WWOX: variants seen among roughly 807,000 people sequenced by gnomAD.
WWOX encodes the protein WW domain containing oxidoreductase, also known as WW domain-containing oxidoreductase.
Under a neutral mutation model 46.2 loss-of-function variants are expected in WWOX, and 69 were observed. The observed-to-expected ratio is 1.49, with a 90% CI of 1.23 to 1.82. The LOEUF (loss-of-function observed/expected upper bound fraction) is 1.82. Ranked by LOEUF, WWOX falls within the 40% of genes most tolerant of loss-of-function variation. The probability of loss-of-function intolerance (pLI) is 0.00; values close to 1 mark genes in which losing one functional copy is unlikely to be tolerated. For missense variants in WWOX, 919 were observed against 542.6 expected (o/e 1.69, Z -6.89); for synonymous variants, 359 against 202.6 (o/e 1.77, Z -6.56).
intron 8 of WWOX, among the ~76,000 whole-genome samples, chr16:78,693,802 T>C (rs940206447): frequency 6.6e-6 from 1 of 152,184 alleles, no homozygotes; most frequent in African/African-American, 2.4e-5. Flanking sequence ...TAGGGGAAGA[T>C]GTGATTTCAT....
intron 5 of WWOX, among the ~76,000 whole-genome samples, chr16:78,369,006 T>C (rs761780854): frequency 1.3e-5 from 2 of 152,118 alleles, no homozygotes; most frequent in Non-Finnish European, 2.9e-5. Context: ...CCCCTTCTTA[T>C]CTAATCCCCT....
At chr16:78,702,920 AT>A (rs1486627583) in intron 8 of WWOX, among the ~76,000 whole-genome samples, 3 of 152,172 alleles carry the variant, frequency 2.0e-5, no homozygotes, top group African/African-American at 7.2e-5. Context: ...CTGGAAACAG[AT>A]GCCTTGGGAG....
intron 6 of WWOX, among the ~76,000 whole-genome samples, chr16:78,394,180 A>G (rs1306055754): frequency 6.6e-6 from 1 of 152,188 alleles, no homozygotes; most frequent in Non-Finnish European, 1.5e-5. Context: ...TAGCCAACAT[A>G]TCTGCATTAC....
intron 5 of WWOX, among the ~76,000 whole-genome samples, chr16:78,190,472 A>G (rs2035850796): frequency 6.6e-6 from 1 of 151,998 alleles, no homozygotes; most frequent in African/African-American, 2.4e-5. Context: ...ATACCTAGTG[A>G]CTCTCTGGTC....
chr16:78,278,768 CAT>C (rs1162935269), intron 5 of WWOX: 1 of 1,014,648 alleles, frequency 9.9e-7, no homozygotes, highest in African/African-American at 1.6e-5. Context: ...ATCTGACAGA[CAT>C]GTACGATTTG....
At chr16:79,075,363 C>T (rs922265074) in intron 8 of WWOX, among the ~76,000 whole-genome samples, 7 of 152,186 alleles carry the variant, frequency 4.6e-5, no homozygotes, top group Non-Finnish European at 8.8e-5. Flanking sequence ...TATGCTTCCA[C>T]CACCTTAACC....
rs1388833032 is a variant in WWOX, at chr16:78,563,374, T to C, written c.1056+130622T>C. 3.9e-5 allele frequency among the ~76,000 whole-genome samples: 6 copies of C among 151,950 alleles called. No individual in the cohort carries two copies. The East Asian group carries it at 1.2e-3, about 29-fold the overall frequency. ...GAGCAGCTGCAGATTCAGGGCAGTA[T>C]GGGGTGGTTCAGGAACAGAACTGAC... On this transcript the variant is annotated intron_variant, in intron 8 of 8. Transcript: ENST00000566780.
intron 8 of WWOX, among the ~76,000 whole-genome samples, chr16:79,054,308 AT>A (rs2048222784): frequency 6.6e-6 from 1 of 152,174 alleles, no homozygotes; most frequent in Non-Finnish European, 1.5e-5. Flanking sequence ...CGCAAAACAT[AT>A]CCCCCAGCTA....
chr16:78,634,081 G>C (rs2046506483), intron 8 of WWOX, among the ~76,000 whole-genome samples: 1 of 152,130 alleles, frequency 6.6e-6, no homozygotes, highest in Non-Finnish European at 1.5e-5. Flanking sequence ...TGAACCCAGA[G>C]AAGGTGCAGG....
At chr16:78,422,320 A>T (rs190226369) in intron 6 of WWOX, among the ~76,000 whole-genome samples, 4 of 152,024 alleles carry the variant, frequency 2.6e-5, no homozygotes, top group South Asian at 2.1e-4. Context: ...TTGTTTTTTA[A>T]AAACTTGTAC....
intron 8 of WWOX, among the ~76,000 whole-genome samples, chr16:78,968,403 G>C (rs909128993): frequency 6.6e-6 from 1 of 152,234 alleles, no homozygotes; most frequent in Non-Finnish European, 1.5e-5. Flanking sequence ...CTAATTGCCA[G>C]AGACCAGGTC....
chr16:78,710,021 G>A (rs896145974), intron 8 of WWOX, among the ~76,000 whole-genome samples: 7 of 152,042 alleles, frequency 4.6e-5, no homozygotes, highest in South Asian at 2.1e-4. Context: ...GTCAGCCACC[G>A]CCCCCGGCCG....
chr16:78,796,208 C>G (rs2737296), intron 8 of WWOX, among the ~76,000 whole-genome samples: 45,104 of 152,122 alleles, frequency 0.3, 8,179 homozygotes, highest in Middle Eastern at 0.45. Context: ...TGATTGCTTG[C>G]TGAAGTAACA....
chr16:78,626,813 T>C (rs915169215), intron 8 of WWOX, among the ~76,000 whole-genome samples: 1 of 152,214 alleles, frequency 6.6e-6, no homozygotes, highest in African/African-American at 2.4e-5. Flanking sequence ...CATTTATTTA[T>C]ATCACGGTAC....
chr16:78,624,371 A>C (rs969899660), intron 8 of WWOX, among the ~76,000 whole-genome samples: 3 of 152,018 alleles, frequency 2.0e-5, no homozygotes, highest in Non-Finnish European at 4.4e-5. Context: ...TGTTCCTTTT[A>C]TTGTCACCTC....
intron 8 of WWOX, among the ~76,000 whole-genome samples, chr16:78,633,673 A>G (rs1268951526): frequency 3.3e-5 from 5 of 152,136 alleles, no homozygotes. Context: ...AACTTGTGCT[A>G]CCTCCTGCGT....
intron 8 of WWOX, among the ~76,000 whole-genome samples, chr16:78,625,792 A>C (rs2151650698): frequency 6.9e-6 from 1 of 145,604 alleles, no homozygotes. Flanking sequence ...AGTACTTAAA[A>C]GTAATGGCAA....
chr16:78,126,512 A>G (rs184918741), intron 4 of WWOX, among the ~76,000 whole-genome samples: 131 of 152,272 alleles, frequency 8.6e-4, no homozygotes, highest in African/African-American at 2.9e-3. Flanking sequence ...TCTTATATGC[A>G]TGACTATTGG....
chr16:78,684,106 C>T (rs993318295), intron 8 of WWOX, among the ~76,000 whole-genome samples: 1 of 152,192 alleles, frequency 6.6e-6, no homozygotes, highest in East Asian at 1.9e-4. Flanking sequence ...CAGTTCAACT[C>T]AACCTCATGG....
Sources: gnomAD v4.1 joint callset for allele counts (sites outside exome capture counted in the v4.1 genomes callset) on GRCh38, gnomAD v4.1.1 for gene constraint, MANE v1.5 for transcripts, NCBI Gene and HGNC (gene_info 2026-07-23, HGNC 2026-07-21) for gene names.